The following FAM13A variants were observed in gnomAD, a reference collection of about 807,000 sequenced individuals.
The protein encoded by FAM13A is protein FAM13A.
FAM13A carries 76 observed loss-of-function variants against 129.6 expected under a neutral mutation model. That is an observed-to-expected ratio of 0.59 (90% CI 0.49 to 0.71). The LOEUF (loss-of-function observed/expected upper bound fraction) is 0.71, where lower values mean the gene tolerates loss of function less well. FAM13A is among the 30% of genes least tolerant of loss of function. FAM13A has a pLI of 0.00. For missense variants in FAM13A, 1,108 were observed against 1,249.3 expected (o/e 0.89, Z 1.70); for synonymous variants, 443 against 449.9 (o/e 0.98, Z 0.20).
chr4:88,727,386 A>G lies in FAM13A; in HGVS notation c.*1147T>C, dbSNP rs1736658642. 1 of 152,650 alleles carries G rather than the reference A, an allele frequency of 6.6e-6. No homozygotes were observed. The highest frequency in any genetic ancestry group is 2.4e-5 in the African/African-American group (1 of 41,458). The allele number at this position is 152,650 out of a possible 1,614,324, so 9.5% of individuals were successfully genotyped here. A position where few individuals can be genotyped will look rare whatever the true frequency, so the allele number is the denominator to read the frequency against. On this transcript the variant is annotated 3_prime_UTR_variant, in exon 24 of 24. Coordinates refer to ENST00000264344, the MANE Select transcript of FAM13A (RefSeq NM_014883.4). ...GTCTAATATAGACAGTTTTGTGACA[A>G]AGTCTTTGAAAAAAATTATAATTGG...
chr4:88,912,574 C>T (rs77766256), intron 5 of FAM13A, among the ~76,000 whole-genome samples: 85 of 85,148 alleles, frequency 1.0e-3, no homozygotes, highest in African/African-American at 2.7e-3. Context: ...TACATACACA[C>T]ACACACACAC....
intron 4 of FAM13A, among the ~76,000 whole-genome samples, chr4:88,957,208 C>T (rs1232840935): frequency 6.6e-6 from 1 of 152,122 alleles, no homozygotes; most frequent in East Asian, 1.9e-4. Flanking sequence ...TGCCGGCAGT[C>T]CCATCTACTA....
At chr4:88,961,748 G>A (rs890533503) in intron 4 of FAM13A, among the ~76,000 whole-genome samples, 9 of 152,236 alleles carry the variant, frequency 5.9e-5, no homozygotes, top group African/African-American at 2.2e-4. Flanking sequence ...GATGTTAACT[G>A]TATCTCATAG....
At chr4:88,781,494 A>G in intron 10 of FAM13A, 143 bp from the exon 11 acceptor site, 1 of 534,234 alleles carries the variant, frequency 1.9e-6, no homozygotes, top group South Asian at 3.3e-5. Context: ...ATCTGAGCAG[A>G]GTGCCACTCC....
chr4:88,820,968 A>G (rs955426425), intron 7 of FAM13A, among the ~76,000 whole-genome samples: 2 of 152,210 alleles, frequency 1.3e-5, no homozygotes, highest in African/African-American at 4.8e-5. Flanking sequence ...AGAATGGAAC[A>G]AAGCACTCCT....
At chr4:88,757,206 T>C (rs1578513993) in intron 14 of FAM13A, among the ~76,000 whole-genome samples, 1 of 152,308 alleles carries the variant, frequency 6.6e-6, no homozygotes, top group East Asian at 1.9e-4. Context: ...ATTAGCATTA[T>C]TTAAGTGGCT....
chr4:88,980,440 G>A (rs1761503870), intron 4 of FAM13A, among the ~76,000 whole-genome samples: 1 of 152,224 alleles, frequency 6.6e-6, no homozygotes, highest in Non-Finnish European at 1.5e-5. Flanking sequence ...ACAGTTACAA[G>A]TGGCAGTAGG....
At chr4:88,911,073 G>C (rs533092363) in intron 5 of FAM13A, among the ~76,000 whole-genome samples, 28 of 152,338 alleles carry the variant, frequency 1.8e-4, no homozygotes, top group African/African-American at 6.5e-4. Context: ...CTCAATTGTT[G>C]AGTGACTGAG....
chr4:88,919,696 G>A (rs759495681), intron 5 of FAM13A, among the ~76,000 whole-genome samples: 5 of 152,290 alleles, frequency 3.3e-5, no homozygotes, highest in Admixed American at 1.3e-4. Flanking sequence ...GACAGTGGGC[G>A]CAGGACAGTG....
In FAM13A at chr4:88,990,689, A is replaced by ATT. The variant is rs35165763; in HGVS notation, c.605+282_605+283dup. The ATT allele has an allele frequency of 8.6e-3, 2,420 of 281,554 alleles. 62 individuals are homozygous for ATT. The highest frequency in any genetic ancestry group is 0.05 in the African/African-American group (2,287 of 45,924). 17.4% of individuals were successfully genotyped at this position (281,554 alleles called of 1,614,324 possible). A position where few individuals can be genotyped will look rare whatever the true frequency, so the allele number is the denominator to read the frequency against. ...TGCTAATCAACATTTCTGATTACAG[A>ATT]TTTTTTAAATGCCCCTTTTAATTAA... On this transcript the variant is annotated intron_variant, in intron 4 of 23. Coordinates refer to ENST00000264344, the MANE Select transcript of FAM13A (RefSeq NM_014883.4).
chr4:88,925,721 T>TA (rs202094440), intron 5 of FAM13A, among the ~76,000 whole-genome samples: 5,764 of 151,006 alleles, frequency 0.038, 244 homozygotes, highest in South Asian at 0.23. Flanking sequence ...TAAATAAAAA[T>TA]AAAAAAAGAG....
intron 3 of FAM13A, among the ~76,000 whole-genome samples, chr4:89,019,582 G>A (rs940786767): frequency 2.0e-5 from 3 of 151,892 alleles, no homozygotes; most frequent in Non-Finnish European, 4.4e-5. Context: ...CCAACATGGT[G>A]AAACCCCAAC....
At chr4:88,978,698 G>A (rs986954689) in intron 4 of FAM13A, among the ~76,000 whole-genome samples, 2 of 152,156 alleles carry the variant, frequency 1.3e-5, no homozygotes, top group African/African-American at 4.8e-5. Flanking sequence ...GGAGGCTGAG[G>A]CAGGAGAATG....
At chr4:88,828,344 C>T (rs1733359293) in intron 7 of FAM13A, among the ~76,000 whole-genome samples, 1 of 152,068 alleles carries the variant, frequency 6.6e-6, no homozygotes, top group African/African-American at 2.4e-5. Context: ...TACTATGTTG[C>T]CCAGGCTGGT....
intron 3 of FAM13A, among the ~76,000 whole-genome samples, chr4:89,018,536 G>A (rs1766833892): frequency 6.6e-6 from 1 of 152,156 alleles, no homozygotes; most frequent in Admixed American, 6.5e-5. Context: ...GTTGTGATGG[G>A]CCCACCCATT....
chr4:89,029,658 A>G lies in FAM13A; in HGVS notation c.28-9T>C, dbSNP rs777321608. ...ACCGCTGCTTTACTTTGCTTAAAGG[A>G]GCGTAAGAAAAAAGAGCAGTCAGTC... On this transcript the variant is annotated splice_polypyrimidine_tract_variant and intron_variant, in intron 1 of 23. Transcript: ENST00000264344. 23 of 1,570,936 alleles carry G rather than the reference A, an allele frequency of 1.5e-5. No homozygotes were observed. In the Admixed American group the frequency reaches 3.4e-4, roughly 23 times the overall value.
chr4:89,017,302 C>T (rs1233298442), intron 3 of FAM13A, among the ~76,000 whole-genome samples: 1 of 151,990 alleles, frequency 6.6e-6, no homozygotes, highest in East Asian at 1.9e-4. Flanking sequence ...AATTTGTTAC[C>T]TGTGCATAAC....
chr4:89,049,715 G>T (rs138863932), intron 1 of FAM13A, among the ~76,000 whole-genome samples: 2,234 of 152,182 alleles, frequency 0.015, 60 homozygotes, highest in African/African-American at 0.051. Context: ...GGAGTGCAGT[G>T]GTGCATCTCA....
intron 7 of FAM13A, among the ~76,000 whole-genome samples, chr4:88,836,477 A>G (rs1037043753): frequency 1.3e-5 from 2 of 152,208 alleles, no homozygotes; most frequent in African/African-American, 4.8e-5. Flanking sequence ...GATGTCATCT[A>G]CTTTTTTCAC....
Sources: allele counts gnomAD v4.1 joint callset (sites outside exome capture counted in the v4.1 genomes callset), GRCh38; gene constraint gnomAD v4.1.1; transcripts MANE v1.5; gene names NCBI Gene and HGNC (gene_info 2026-07-23, HGNC 2026-07-21).